ATP6V1F: variants seen among roughly 807,000 people sequenced by gnomAD.
ATP6V1F encodes the protein V-type proton ATPase subunit F.
In ATP6V1F, 4 loss-of-function variants were observed where a neutral mutation model predicts 6.6. The ratio of observed to expected loss-of-function variants is 0.60; its 90% CI spans 0.30 to 1.38. The LOEUF (loss-of-function observed/expected upper bound fraction) is 1.38, where lower values mean the gene tolerates loss of function less well. ATP6V1F is among the 40% of genes most tolerant of loss of function. The probability of loss-of-function intolerance (pLI) is 0.08; values close to 1 mark genes in which losing one functional copy is unlikely to be tolerated. For synonymous variants in ATP6V1F, 68 were observed against 66.9 expected (o/e 1.02, Z -0.08); for missense variants, 136 against 165.5 (o/e 0.82, Z 0.98).
At position 128,865,833 on chromosome 7, in the gene ATP6V1F, T is replaced by C. The variant is rs1809383713; in HGVS notation, c.*255T>C. The C allele has an allele frequency of 3.7e-6, 2 of 536,084 alleles. No individual in the cohort carries two copies. The highest frequency in any genetic ancestry group is 3.8e-5 in the African/African-American group (2 of 52,824). 33.2% of individuals were successfully genotyped at this position (536,084 alleles called of 1,614,324 possible). On this transcript the variant is annotated 3_prime_UTR_variant, in exon 2 of 2. Coordinates refer to ENST00000249289, the MANE Select transcript of ATP6V1F (RefSeq NM_004231.4). The surrounding 1 kb of genome is among the most constrained non-coding windows in gnomAD (Gnocchi z 4.4). Reference sequence around the variant, plus strand: ...TGTTGATGTTAAATTAAAGTCATATTCTTGCTTCTCTCCAGATGGGTTGGG... The same window carrying C: ...TGTTGATGTTAAATTAAAGTCATATCCTTGCTTCTCTCCAGATGGGTTGGG...
chr7:128,863,135 C>A, intron 1 of ATP6V1F, 73 bp downstream of exon 1: 1 of 1,547,374 alleles, frequency 6.5e-7, no homozygotes, highest in Non-Finnish European at 8.7e-7. Context: ...TGGAGGCTGC[C>A]CGGACGGGGG....
intron 1 of ATP6V1F, 102 bp downstream of exon 1, chr7:128,863,164 A>G (rs1809307376): frequency 4.9e-6 from 7 of 1,435,028 alleles, no homozygotes; most frequent in Admixed American, 4.9e-5. Flanking sequence ...CGATCCTGAA[A>G]GTCCTTCCGC....
At position 128,865,454 on chromosome 7, in the gene ATP6V1F, A is replaced by C. The variant is rs1585177097; in HGVS notation, c.236A>C (p.Asp79Ala). Reference sequence around the variant, plus strand: ...GCAGAGATGGTGCGGCATGCCCTGGACGCCCACCAGCAGTCCATCCCCGCT... The same window carrying C: ...GCAGAGATGGTGCGGCATGCCCTGGCCGCCCACCAGCAGTCCATCCCCGCT... ...YIAEMVRHAL[D>A]AHQQSIPAVL... The change falls in exon 2 of 2, where the codon GAC (aspartate) becomes GCC (alanine). Residue 79 changes from aspartate to alanine, a missense_variant. Coordinates refer to ENST00000249289, the MANE Select transcript of ATP6V1F (RefSeq NM_004231.4). This position sits in a 1 kb window ranked among gnomAD's most constrained non-coding sequence, Gnocchi z 4.4. The C allele has an allele frequency of 6.2e-7, 1 of 1,614,080 alleles. No homozygotes were observed. Among genetic ancestry groups the C allele is most frequent in the Non-Finnish European group, 8.5e-7 (1 of 1,180,030 alleles).
intron 1 of ATP6V1F, among the ~76,000 whole-genome samples, chr7:128,864,546 C>T (rs1809341429): frequency 6.6e-6 from 1 of 151,720 alleles, no homozygotes; most frequent in South Asian, 2.1e-4. Context: ...CTTCAGTGGT[C>T]TCATCAGCCC....
In ATP6V1F at chr7:128,865,619, C is replaced by G; in HGVS notation, c.*41C>G. ...CCTCAGCCCTTCCCTCGTTTCCAGG[C>G]CTCTCCCCAGGCTTGCCATCAGCCT... On this transcript the variant is annotated 3_prime_UTR_variant, in exon 2 of 2. Transcript: ENST00000249289. This position sits in a 1 kb window ranked among gnomAD's most constrained non-coding sequence, Gnocchi z 4.4. The G allele has an allele frequency of 6.4e-7, 1 of 1,571,114 alleles. No individual in the cohort carries two copies. The highest frequency in any genetic ancestry group is 8.7e-7 in the Non-Finnish European group (1 of 1,152,734).
Position 128,862,875 on chromosome 7 carries a change from C to A in ATP6V1F, c.-30C>A. 1.3e-6 allele frequency: 2 copies of A among 1,537,888 alleles called. No individual in the cohort carries two copies. The highest frequency in any genetic ancestry group is 1.8e-6 in the Non-Finnish European group (2 of 1,142,620). ...GGCGGGGTTTCAGTGGCTTCTGGTG[C>A]TCTAGGGTGAGCTCTGCCCGGCTGC... On this transcript the variant is annotated 5_prime_UTR_variant, in exon 1 of 2. Transcript: ENST00000249289.
chr7:128,863,143 G>A, intron 1 of ATP6V1F, 81 bp downstream of exon 1: 1 of 1,522,148 alleles, frequency 6.6e-7, no homozygotes, highest in Non-Finnish European at 8.8e-7. Context: ...GCCCGGACGG[G>A]GGTGAGGGGA....
chr7:128,863,555 AT>A (rs1809318676), intron 1 of ATP6V1F, among the ~76,000 whole-genome samples: 1 of 152,136 alleles, frequency 6.6e-6, no homozygotes, highest in Non-Finnish European at 1.5e-5. Flanking sequence ...CGGCCTCGGA[AT>A]TTCCTTGTAG....
Position 128,865,445 on chromosome 7 carries a change from A to C in ATP6V1F, c.227A>C (p.His76Pro). Residue 76 changes from histidine to proline, a missense_variant, in exon 2 of 2, where the codon CAT (histidine) becomes CCT (proline). Physicochemically the swap from His to Pro is moderately conservative, Grantham distance 77 (BLOSUM62 -2). Transcript: ENST00000249289. This position sits in a 1 kb window ranked among gnomAD's most constrained non-coding sequence, Gnocchi z 4.4. ...CAGTACATCGCAGAGATGGTGCGGC[A>C]TGCCCTGGACGCCCACCAGCAGTCC... is the stretch of plus-strand genomic sequence containing the variant. ...INQYIAEMVRHALDAHQQSIP... is the reference protein window; with the variant it reads ...INQYIAEMVRPALDAHQQSIP... 1 of 1,614,182 alleles carries C rather than the reference A, an allele frequency of 6.2e-7. No homozygotes were observed. The highest frequency in any genetic ancestry group is 1.3e-5 in the African/African-American group (1 of 75,056).
In ATP6V1F at chr7:128,863,040, A is replaced by G. The variant is rs1451049130; in HGVS notation, c.136A>G (p.Asn46Asp). Residue 46 changes from asparagine (N) to aspartate (D), a missense_variant, in exon 1 of 2, where the codon AAT becomes GAT. Coordinates refer to ENST00000249289, the MANE Select transcript of ATP6V1F (RefSeq NM_004231.4). ...FLVVEKDTTI[N>D]EIEDTFRQFL... ...GGTGGTGGAGAAGGATACAACCATC[A>G]ATGAGATCGAAGACACTTTCCGGTA... 1.2e-6 allele frequency: 2 copies of G among 1,612,316 alleles called. No homozygotes were observed. The highest frequency in any genetic ancestry group is 1.7e-6 in the Non-Finnish European group (2 of 1,179,278).
chr7:128,863,200 C>G, intron 1 of ATP6V1F, 138 bp downstream of exon 1: 1 of 1,053,892 alleles, frequency 9.5e-7, no homozygotes, highest in Non-Finnish European at 1.4e-6. Context: ...GCCTCCGCGC[C>G]CCAAGTCCCC....
rs537968408 is a variant in ATP6V1F, at chr7:128,865,226, C to T, written c.159-151C>T. 7.0e-5 allele frequency: 108 copies of T among 1,541,710 alleles called. No homozygotes were observed. In the Admixed American group the frequency reaches 7.0e-4, roughly 10 times the overall value. On this transcript the variant is annotated intron_variant, in intron 1 of 1. Coordinates refer to ENST00000249289, the MANE Select transcript of ATP6V1F (RefSeq NM_004231.4). The surrounding 1 kb of genome is among the most constrained non-coding windows in gnomAD (Gnocchi z 4.4). ...TAGGTAGGGTTGACAGAGGGTTGAG[C>T]GTGGCAGCCTTTCCCCTTGTCCTCT...
At chr7:128,864,389 G>A (rs1045184415) in intron 1 of ATP6V1F, among the ~76,000 whole-genome samples, 2 of 152,072 alleles carry the variant, frequency 1.3e-5, no homozygotes, top group Non-Finnish European at 2.9e-5. Context: ...GGTGACCACA[G>A]GAGAGAAGGA....
chr7:128,865,529 C>T lies in ATP6V1F; in HGVS notation c.311C>T (p.Ser104Phe). Residue 104 changes from serine to phenylalanine, a missense_variant, in exon 2 of 2, where the codon TCC becomes TTC. Physicochemically the swap from Ser to Phe is radical, Grantham distance 155. Coordinates refer to ENST00000249289, the MANE Select transcript of ATP6V1F (RefSeq NM_004231.4). The surrounding 1 kb of genome is among the most constrained non-coding windows in gnomAD (Gnocchi z 4.4). ...KEHPYDAAKD[S>F]ILRRARGMFT... Reference sequence around the variant, plus strand: ...CACCCATATGACGCCGCCAAGGACTCCATCCTGCGCAGGGCCAGGGGCATG... The same window carrying T: ...CACCCATATGACGCCGCCAAGGACTTCATCCTGCGCAGGGCCAGGGGCATG... 6.2e-7 allele frequency: 1 copy of T among 1,614,120 alleles called. No homozygotes were observed. Among genetic ancestry groups the T allele is most frequent in the Non-Finnish European group, 8.5e-7 (1 of 1,180,044 alleles).
At chr7:128,863,243 G>A (rs1360704271) in intron 1 of ATP6V1F, among the ~76,000 whole-genome samples, 181 bp downstream of exon 1, 1 of 152,030 alleles carries the variant, frequency 6.6e-6, no homozygotes, top group Non-Finnish European at 1.5e-5. Context: ...AGCTGTATCA[G>A]GTCCACGAGC....
Position 128,865,582 on chromosome 7 carries a change from ACTC to A in ATP6V1F, c.*8_*10del, listed in dbSNP as rs1809377274. On this transcript the variant is annotated 3_prime_UTR_variant, in exon 2 of 2. Coordinates refer to ENST00000249289, the MANE Select transcript of ATP6V1F (RefSeq NM_004231.4). This position sits in a 1 kb window ranked among gnomAD's most constrained non-coding sequence, Gnocchi z 4.4. ...CACTGCCGAAGACCTGCGCTAGGGGACTCCTCATAGCCCTCAGCCCTTCCCTCG... is the reference window on the plus strand; with the variant it reads ...CACTGCCGAAGACCTGCGCTAGGGGACTCATAGCCCTCAGCCCTTCCCTCG... 1 of 1,611,462 alleles carries A rather than the reference ACTC, an allele frequency of 6.2e-7. No individual in the cohort carries two copies.
intron 1 of ATP6V1F, among the ~76,000 whole-genome samples, chr7:128,863,387 T>G (rs578113630): frequency 2.6e-5 from 4 of 152,218 alleles, no homozygotes; most frequent in Non-Finnish European, 4.4e-5. Context: ...GCAGGGATGA[T>G]TTTTGTCCTA....
rs10958 is a variant in ATP6V1F, at chr7:128,862,975, G to T, written c.71G>T (p.Gly24Val). The change falls in exon 1 of 2, where the codon GGC becomes GTC. Residue 24 changes from glycine (G) to valine (V), a missense_variant. Coordinates refer to ENST00000249289, the MANE Select transcript of ATP6V1F (RefSeq NM_004231.4). ...ACGGTGACTGGTTTCCTGCTGGGCGGCATAGGGGAGCTTAACAAGAACCGC... is the reference window on the plus strand; with the variant it reads ...ACGGTGACTGGTTTCCTGCTGGGCGTCATAGGGGAGCTTAACAAGAACCGC... ...EDTVTGFLLG[G>V]IGELNKNRHP... The T allele has an allele frequency of 6.2e-7, 1 of 1,613,562 alleles. No homozygotes were observed. Among genetic ancestry groups the T allele is most frequent in the Non-Finnish European group, 8.5e-7 (1 of 1,179,738 alleles).
chr7:128,865,698 A>C lies in ATP6V1F; in HGVS notation c.*120A>C. On this transcript the variant is annotated 3_prime_UTR_variant, in exon 2 of 2. Coordinates refer to ENST00000249289, the MANE Select transcript of ATP6V1F (RefSeq NM_004231.4). The surrounding 1 kb of genome is among the most constrained non-coding windows in gnomAD (Gnocchi z 4.4). ...ATTCCCTGCTCCTTCCCACTCCATT[A>C]AGAGGCTAGGTGAGGCGCTTCTAGG... The C allele has an allele frequency of 8.7e-7, 1 of 1,153,906 alleles. No individual in the cohort carries two copies. The highest frequency in any genetic ancestry group is 1.2e-6 in the Non-Finnish European group (1 of 830,480). 71.5% of individuals were successfully genotyped at this position (1,153,906 alleles called of 1,614,324 possible).
Sources: allele counts gnomAD v4.1 joint callset (sites outside exome capture counted in the v4.1 genomes callset), GRCh38; gene constraint gnomAD v4.1.1; non-coding constraint Gnocchi (gnomAD v3.1); transcripts MANE v1.5; gene names NCBI Gene and HGNC (gene_info 2026-07-23, HGNC 2026-07-21).